LHFPL3: variants seen among roughly 807,000 people sequenced by gnomAD.
The protein encoded by LHFPL3 is LHFPL tetraspan subfamily member 3 protein.
In LHFPL3, 5 loss-of-function variants were observed where a neutral mutation model predicts 19.3. The ratio of observed to expected loss-of-function variants is 0.26; its 90% CI spans 0.14 to 0.54. LHFPL3 has a LOEUF of 0.54. Among genes scored for constraint, LHFPL3 ranks in the 20% least tolerant of loss-of-function variants. The probability of loss-of-function intolerance (pLI) is 0.94; values close to 1 mark genes in which losing one functional copy is unlikely to be tolerated. For synonymous variants in LHFPL3, 133 were observed against 126.2 expected, an observed-to-expected ratio of 1.05 and a Z score of -0.36; for missense variants, 249 against 307.4, an observed-to-expected ratio of 0.81 and a Z score of 1.42.
intron 1 of LHFPL3, among the ~76,000 whole-genome samples, chr7:104,451,060 G>A (rs961452065): frequency 1.3e-5 from 2 of 152,194 alleles, no homozygotes; most frequent in Non-Finnish European, 2.9e-5. Flanking sequence ...CCAGAGTCCT[G>A]AGCAAGGAAC....
chr7:104,656,629 A>G (rs773167132), intron 1 of LHFPL3, among the ~76,000 whole-genome samples: 4 of 152,162 alleles, frequency 2.6e-5, no homozygotes, highest in Non-Finnish European at 5.9e-5. Context: ...GCTCAACCTG[A>G]GGAGAGCTTG....
At position 104,766,482 on chromosome 7, in the gene LHFPL3, T is replaced by C. The variant is rs117781152; in HGVS notation, c.682+29571T>C. On this transcript the variant is annotated intron_variant, in intron 2 of 2. Transcript: ENST00000424859. ...TTAACTTTAAAACTAAAATACTTAA[T>C]GGGCTAAATTTCACCTGGAAAACTA... is the stretch of plus-strand genomic sequence containing the variant. 4.3e-3 allele frequency among the ~76,000 whole-genome samples: 653 copies of C among 152,310 alleles called. 14 individuals are homozygous for C. Among genetic ancestry groups the C allele is most frequent in the East Asian group, 0.041 (213 of 5,190 alleles).
intron 1 of LHFPL3, among the ~76,000 whole-genome samples, chr7:104,350,860 T>C (rs989043914): frequency 6.6e-6 from 1 of 151,958 alleles, no homozygotes; most frequent in Non-Finnish European, 1.5e-5. Flanking sequence ...GCCAACATGG[T>C]GAAACCCCGT....
At chr7:104,572,943 A>G (rs532858642) in intron 1 of LHFPL3, among the ~76,000 whole-genome samples, 1 of 152,356 alleles carries the variant, frequency 6.6e-6, no homozygotes, top group Admixed American at 6.5e-5. Context: ...CTAAAAGGAC[A>G]GCTTTTGATT....
At chr7:104,564,680 G>C (rs1790084370) in intron 1 of LHFPL3, among the ~76,000 whole-genome samples, 2 of 152,212 alleles carry the variant, frequency 1.3e-5, no homozygotes, top group Admixed American at 1.3e-4. Context: ...AGTTGGATGT[G>C]AGTATGAACC....
At chr7:104,664,319 A>AG (rs1427097167) in intron 1 of LHFPL3, among the ~76,000 whole-genome samples, 1 of 151,780 alleles carries the variant, frequency 6.6e-6, no homozygotes, top group East Asian at 1.9e-4. Context: ...GCTTCTATAA[A>AG]AAAAATGACC....
chr7:104,505,276 G>A (rs559925478), intron 1 of LHFPL3, among the ~76,000 whole-genome samples: 1 of 152,168 alleles, frequency 6.6e-6, no homozygotes, highest in Non-Finnish European at 1.5e-5. Flanking sequence ...ATGAACAGGG[G>A]TAAACATTTT....
At chr7:104,455,611 C>T (rs1314533435) in intron 1 of LHFPL3, among the ~76,000 whole-genome samples, 2 of 152,112 alleles carry the variant, frequency 1.3e-5, no homozygotes, top group Non-Finnish European at 2.9e-5. Context: ...ATCCCAGCTA[C>T]TTGGGAAGCT....
intron 1 of LHFPL3, among the ~76,000 whole-genome samples, chr7:104,367,393 A>G (rs578015024): frequency 7.9e-5 from 12 of 152,344 alleles, no homozygotes; most frequent in African/African-American, 2.4e-4. Context: ...TATGTCGTCA[A>G]CATCTTTCTT....
intron 1 of LHFPL3, among the ~76,000 whole-genome samples, chr7:104,640,779 T>C (rs1440609748): frequency 6.6e-6 from 1 of 152,176 alleles, no homozygotes; most frequent in African/African-American, 2.4e-5. Flanking sequence ...TAAGTAAAAC[T>C]CATTTACAAG....
Position 104,530,898 on chromosome 7 carries a change from C to T in LHFPL3, c.445+201674C>T, listed in dbSNP as rs77461511. ...GGTAATAAACAGTAATTTATGTACA[C>T]GATATCGATTTACACATACACTTTT... On this transcript the variant is annotated intron_variant, in intron 1 of 2. Transcript: ENST00000424859. Among the ~76,000 whole-genome samples, 430 of 152,284 alleles carry T rather than the reference C, an allele frequency of 2.8e-3. 2 individuals carry two copies. The highest frequency in any genetic ancestry group is 1.0e-2 in the African/African-American group (415 of 41,554).
intron 1 of LHFPL3, among the ~76,000 whole-genome samples, chr7:104,593,998 A>C (rs1179810479): frequency 6.6e-6 from 1 of 152,142 alleles, no homozygotes; most frequent in Non-Finnish European, 1.5e-5. Flanking sequence ...CCAGTTTGCC[A>C]CTGTGTATCT....
At position 104,892,668 on chromosome 7, in the gene LHFPL3, G is replaced by A. The variant is rs189802662; in HGVS notation, c.683-13519G>A. 4.2e-3 allele frequency among the ~76,000 whole-genome samples: 568 copies of A among 134,578 alleles called. 8 individuals carry two copies. Among genetic ancestry groups the A allele is most frequent in the African/African-American group, 0.015 (533 of 34,984 alleles). 88.3% of individuals were successfully genotyped at this position (134,578 alleles called of 152,430 possible). On this transcript the variant is annotated intron_variant, in intron 2 of 2. Coordinates refer to ENST00000424859, the MANE Select transcript of LHFPL3 (RefSeq NM_199000.3). ...AGAGGTTGCAGTGAGCTGAGACCAC[G>A]CCACTGCACTCCAGCCTGGGTGACA...
chr7:104,541,014 C>T (rs1023267767), intron 1 of LHFPL3, among the ~76,000 whole-genome samples: 2 of 151,892 alleles, frequency 1.3e-5, no homozygotes, highest in African/African-American at 4.8e-5. Flanking sequence ...TATCACTTTT[C>T]TGCTTAAAGC....
At chr7:104,495,207 AG>A (rs1473421144) in intron 1 of LHFPL3, among the ~76,000 whole-genome samples, 1 of 151,948 alleles carries the variant, frequency 6.6e-6, no homozygotes, top group Non-Finnish European at 1.5e-5. Flanking sequence ...GGGCTTTCAC[AG>A]AATCTTTTTT....
At chr7:104,637,742 G>T (rs1285492354) in intron 1 of LHFPL3, among the ~76,000 whole-genome samples, 2 of 148,812 alleles carry the variant, frequency 1.3e-5, no homozygotes, top group African/African-American at 5.0e-5. Flanking sequence ...TGGTCTATGT[G>T]TCTGTTTTTG....
At chr7:104,858,246 C>T (rs912202925) in intron 2 of LHFPL3, among the ~76,000 whole-genome samples, 1 of 152,136 alleles carries the variant, frequency 6.6e-6, no homozygotes, top group Admixed American at 6.5e-5. Flanking sequence ...CAAGAGCAGA[C>T]CTACCTTGGG....
Position 104,884,583 on chromosome 7 carries a change from T to C in LHFPL3, c.683-21604T>C, listed in dbSNP as rs140975765. 4.0e-3 allele frequency among the ~76,000 whole-genome samples: 604 copies of C among 152,290 alleles called. 9 individuals are homozygous for C. The highest frequency in any genetic ancestry group is 0.014 in the African/African-American group (569 of 41,554). On this transcript the variant is annotated intron_variant, in intron 2 of 2. Transcript: ENST00000424859. ...AGATCTTTTTTTAATAAAAAGAATA[T>C]AGTGCAGCCTGATCTCAACCAGCTG...
At position 104,328,622 on chromosome 7, in the gene LHFPL3, G is replaced by C. The variant is rs1801507353; in HGVS notation, c.-158G>C. On this transcript the variant is annotated 5_prime_UTR_variant, in exon 1 of 3. Transcript: ENST00000424859. This position sits in a 1 kb window ranked among gnomAD's most constrained non-coding sequence, Gnocchi z 4.6. ...CTCCGCGCTCCCCCGCCCTCCTTCC[G>C]GGAGCGAGGATGCAGACTCTGAAAC... 1.5e-6 allele frequency: 1 copy of C among 671,998 alleles called. No individual in the cohort carries two copies. The highest frequency in any genetic ancestry group is 1.8e-5 in the African/African-American group (1 of 55,546). The allele number at this position is 671,998 out of a possible 1,614,324, so 41.6% of individuals were successfully genotyped here.
Sources: allele counts gnomAD v4.1 joint callset (sites outside exome capture counted in the v4.1 genomes callset), GRCh38; gene constraint gnomAD v4.1.1; non-coding constraint Gnocchi (gnomAD v3.1); transcripts MANE v1.5; gene names NCBI Gene and HGNC (gene_info 2026-07-23, HGNC 2026-07-21).